MCPH1: variants seen among roughly 807,000 people sequenced by gnomAD.
MCPH1 encodes the protein microcephalin.
In MCPH1, 104 loss-of-function variants were observed where a neutral mutation model predicts 84.5. The ratio of observed to expected loss-of-function variants is 1.23; its 90% CI spans 1.05 to 1.45. The LOEUF is 1.45. MCPH1 is among the 40% of genes most tolerant of loss of function. MCPH1 has a pLI of 0.00. For synonymous variants in MCPH1, 514 were observed against 366.8 expected, an observed-to-expected ratio of 1.40 and a Z score of -4.58; for missense variants, 1,498 against 1,005.7, an observed-to-expected ratio of 1.49 and a Z score of -6.62.
intron 11 of MCPH1, among the ~76,000 whole-genome samples, chr8:6,499,103 A>G (rs970689337): frequency 6.9e-6 from 1 of 145,312 alleles, no homozygotes; most frequent in Non-Finnish European, 1.5e-5. Context: ...AATAAATAAA[A>G]TAAACATGAA....
chr8:6,444,038 T>C (rs1803901949), intron 7 of MCPH1, among the ~76,000 whole-genome samples: 1 of 152,218 alleles, frequency 6.6e-6, no homozygotes, highest in Admixed American at 6.5e-5. Flanking sequence ...CTTACAACAG[T>C]AGTTCTTAGG....
intron 13 of MCPH1, among the ~76,000 whole-genome samples, chr8:6,633,023 TA>T (rs35473799): frequency 0.25 from 36,224 of 143,936 alleles, 4,450 homozygotes; most frequent in Middle Eastern, 0.3. Context: ...AGTAATGATT[TA>T]AAAAAAAAAA....
rs528692293 is a variant in MCPH1 at position 6,413,753 on chromosome 8, C to A, written c.115-1012C>A. Among the ~76,000 whole-genome samples, 6 of 144,938 alleles carry A rather than the reference C, an allele frequency of 4.1e-5. No homozygotes were observed. In the East Asian group the frequency reaches 1.2e-3, roughly 29 times the overall value. The stretch of plus-strand genomic sequence containing the variant: ...TGATCATGTTGCGTGAATACAGTAT[C>A]TTTTTTTTTTTTTTTTTTGGAGATG... On this transcript the variant is annotated intron_variant, in intron 2 of 13. Coordinates refer to ENST00000344683, the MANE Select transcript of MCPH1 (RefSeq NM_024596.5).
intron 12 of MCPH1, among the ~76,000 whole-genome samples, chr8:6,593,269 G>T (rs988608239): frequency 6.6e-6 from 1 of 151,626 alleles, no homozygotes; most frequent in African/African-American, 2.4e-5. Flanking sequence ...TTTTAATAGA[G>T]ATGGGATTTC....
chr8:6,480,790 A>G lies in MCPH1; in HGVS notation c.2050A>G (p.Thr684Ala). Residue 684 changes from threonine to alanine, a missense_variant, in exon 11 of 14, where the codon ACT becomes GCT. Physicochemically the swap from Thr to Ala is moderately conservative, Grantham distance 58 (BLOSUM62 0). Transcript: ENST00000344683. ...SIAPDVCETT[T>A]HVLSGKPLRT... ...TGCACCAGACGTCTGTGAGACCACG[A>G]CTCACGTGCTTTCCGGGAAGCCACT... 2 of 1,614,070 alleles carry G rather than the reference A, an allele frequency of 1.2e-6. No homozygotes were observed. The highest frequency in any genetic ancestry group is 8.5e-7 in the Non-Finnish European group (1 of 1,179,994).
At chr8:6,465,900 A>G (rs1806835111) in intron 9 of MCPH1, among the ~76,000 whole-genome samples, 1 of 150,400 alleles carries the variant, frequency 6.6e-6, no homozygotes, top group Non-Finnish European at 1.5e-5. Context: ...AGGAATAATT[A>G]TTTCCTACTC....
At chr8:6,425,517 A>G (rs1303044203) in intron 3 of MCPH1, among the ~76,000 whole-genome samples, 2 of 152,156 alleles carry the variant, frequency 1.3e-5, no homozygotes, top group Non-Finnish European at 2.9e-5. Flanking sequence ...GAGTGATGAT[A>G]GTTACACCCA....
At chr8:6,516,422 G>T (rs1457611980) in intron 12 of MCPH1, among the ~76,000 whole-genome samples, 1 of 152,146 alleles carries the variant, frequency 6.6e-6, no homozygotes, top group Non-Finnish European at 1.5e-5. Context: ...TTTGAATAAG[G>T]TCTCTTTGAT....
intron 12 of MCPH1, among the ~76,000 whole-genome samples, chr8:6,552,811 C>A (rs1823887896): frequency 7.1e-6 from 1 of 141,118 alleles, no homozygotes; most frequent in Non-Finnish European, 1.5e-5. Flanking sequence ...TACAGTTATT[C>A]CTGCTTTTTT....
chr8:6,507,322 CAT>C (rs1276754109), intron 12 of MCPH1, among the ~76,000 whole-genome samples: 1 of 152,154 alleles, frequency 6.6e-6, no homozygotes, highest in East Asian at 1.9e-4. Context: ...GGGTGGGTAA[CAT>C]ATTAATTTTT....
chr8:6,542,558 C>A (rs902697059), intron 12 of MCPH1, among the ~76,000 whole-genome samples: 1 of 151,854 alleles, frequency 6.6e-6, no homozygotes, highest in Non-Finnish European at 1.5e-5. Flanking sequence ...AACACCCCAT[C>A]CCGCACTCTC....
At chr8:6,415,446 T>G (rs919399124) in intron 3 of MCPH1, among the ~76,000 whole-genome samples, 1 of 151,914 alleles carries the variant, frequency 6.6e-6, no homozygotes, top group Non-Finnish European at 1.5e-5. Flanking sequence ...CTTTGCCTCC[T>G]GGGCTCAAGT....
At chr8:6,423,954 T>C (rs967947051) in intron 3 of MCPH1, among the ~76,000 whole-genome samples, 4 of 152,212 alleles carry the variant, frequency 2.6e-5, no homozygotes, top group African/African-American at 9.6e-5. Context: ...CAGCAGAGCA[T>C]AGAGATAAGA....
chr8:6,499,758 A>G (rs1811788141), intron 11 of MCPH1, 94 bp from the exon 12 acceptor site: 1 of 1,041,030 alleles, frequency 9.6e-7, no homozygotes, highest in African/African-American at 1.6e-5. Context: ...TGCGGAGTGT[A>G]TCACTTTTTG....
rs1804242309 is a variant in MCPH1, at chr8:6,445,643, TC to T, written c.1825+100del. The T allele has an allele frequency of 7.4e-6, 11 of 1,483,370 alleles. No homozygotes were observed. In the South Asian group the frequency reaches 1.2e-4, roughly 16 times the overall value. The allele number at this position is 1,483,370 out of a possible 1,614,324, so 91.9% of individuals were successfully genotyped here. A position where few individuals can be genotyped will look rare whatever the true frequency, so the allele number is the denominator to read the frequency against. ...TATCACAACTTTTTCATAACTTATT[TC>T]CCCATTTACTCCTCTTTTTACTTAA... is the stretch of plus-strand genomic sequence containing the variant. On this transcript the variant is annotated intron_variant, in intron 8 of 13. Coordinates refer to ENST00000344683, the MANE Select transcript of MCPH1 (RefSeq NM_024596.5).
At chr8:6,467,476 T>G (rs1446988504) in intron 9 of MCPH1, among the ~76,000 whole-genome samples, 1 of 152,248 alleles carries the variant, frequency 6.6e-6, no homozygotes, top group Non-Finnish European at 1.5e-5. Context: ...GTCCTTTTTT[T>G]GTTTTTAGTA....
In MCPH1 at chr8:6,445,378, G is replaced by C; in HGVS notation, c.1656G>C (p.Met552Ile). ...CTTTGGAAGGAAGCCTTGAAGAAATGAAAGAAGCGGTTGGTCTGAAAAGCA... is the reference window on the plus strand; with the variant it reads ...CTTTGGAAGGAAGCCTTGAAGAAATCAAAGAAGCGGTTGGTCTGAAAAGCA... ...LTPLEGSLEE[M>I]KEAVGLKSTQ... is the part of the protein sequence containing the mutation. The change falls in exon 8 of 14, where the codon ATG (methionine) becomes ATC (isoleucine). Residue 552 changes from methionine to isoleucine, a missense_variant. Coordinates refer to ENST00000344683, the MANE Select transcript of MCPH1 (RefSeq NM_024596.5). 4 of 1,614,222 alleles carry C rather than the reference G, an allele frequency of 2.5e-6. No homozygotes were observed. Among genetic ancestry groups the C allele is most frequent in the Non-Finnish European group, 3.4e-6 (4 of 1,180,032 alleles).
chr8:6,489,498 C>T (rs1810326226), intron 11 of MCPH1, among the ~76,000 whole-genome samples: 1 of 152,068 alleles, frequency 6.6e-6, no homozygotes, highest in African/African-American at 2.4e-5. Context: ...TGGATGTTGT[C>T]AGAGACCTTG....
rs149689119 is a variant in MCPH1 at position 6,456,805 on chromosome 8, A to G, written c.1935+1553A>G. ...GAAGTTACTGTTTCAGACGAGTGGT[A>G]TTGCCTCCCTGTGCCTGGGATAGCC... On this transcript the variant is annotated intron_variant, in intron 9 of 13. Transcript: ENST00000344683. Among the ~76,000 whole-genome samples the G allele has an allele frequency of 2.4e-4, 36 of 152,180 alleles. No homozygotes were observed. The East Asian group carries it at 6.0e-3, about 25-fold the overall frequency.
Sources: gnomAD v4.1 joint callset for allele counts (sites outside exome capture counted in the v4.1 genomes callset) on GRCh38, gnomAD v4.1.1 for gene constraint, MANE v1.5 for transcripts, NCBI Gene and HGNC (gene_info 2026-07-23, HGNC 2026-07-21) for gene names.